Variants in TIMELESS observed in about 807,000 individuals in gnomAD.
The protein encoded by TIMELESS is timeless circadian regulator.
In TIMELESS, 124 loss-of-function variants were observed where a neutral mutation model predicts 164.3. The observed-to-expected ratio is 0.75, with a 90% CI of 0.65 to 0.88. The LOEUF (loss-of-function observed/expected upper bound fraction) is 0.88, where lower values mean the gene tolerates loss of function less well. Among genes scored for constraint, TIMELESS ranks in the 40% least tolerant of loss-of-function variants. TIMELESS has a pLI of 0.00. For synonymous variants in TIMELESS, 564 were observed against 563.4 expected (o/e 1.00, Z -0.02); for missense variants, 1,422 against 1,491.4 (o/e 0.95, Z 0.77).
rs140728919 is a variant in TIMELESS, at chr12:56,431,599, G to C, written c.693C>G (p.Pro231=). 1 of 1,611,430 alleles carries C rather than the reference G, an allele frequency of 6.2e-7. No individual in the cohort carries two copies. Among genetic ancestry groups the C allele is most frequent in the Non-Finnish European group, 8.5e-7 (1 of 1,179,424 alleles). Residue 231 remains proline, a synonymous_variant, in exon 8 of 29, where the codon CCC becomes CCG. Coordinates refer to ENST00000553532, the MANE Select transcript of TIMELESS (RefSeq NM_003920.5). ...IVSLMFRDQN[P]EQLAGVGQGR... is the part of the protein sequence containing the mutation. ...CCTGCCCTACTCCCGCCAGCTGCTCGGGGTTCTAGATTGGAACAAAGAGGG... is the reference window on the plus strand; with the variant it reads ...CCTGCCCTACTCCCGCCAGCTGCTCCGGGTTCTAGATTGGAACAAAGAGGG...
At position 56,423,479 on chromosome 12, in the gene TIMELESS, C is replaced by T; in HGVS notation, c.2091-4G>A. On this transcript the variant is annotated splice_region_variant and splice_polypyrimidine_tract_variant and intron_variant, in intron 17 of 28. Coordinates refer to ENST00000553532, the MANE Select transcript of TIMELESS (RefSeq NM_003920.5). ...AACGACAGTTGAACATGCAAAGCTG[C>T]ACCAAAACAAGGAGGGAGAGGATGT... 2 of 1,614,012 alleles carry T rather than the reference C, an allele frequency of 1.2e-6. No homozygotes were observed. Among genetic ancestry groups the T allele is most frequent in the South Asian group, 1.1e-5 (1 of 91,082 alleles).
chr12:56,437,846 T>C (rs140617235), intron 1 of TIMELESS, among the ~76,000 whole-genome samples: 49 of 152,228 alleles, frequency 3.2e-4, no homozygotes, highest in African/African-American at 1.1e-3. Context: ...ATGCATGTAC[T>C]TAAAATTATG....
At chr12:56,418,998 ATTTT>A (rs34996841) in intron 26 of TIMELESS, among the ~76,000 whole-genome samples, 1 of 139,288 alleles carries the variant, frequency 7.2e-6, no homozygotes, top group African/African-American at 2.6e-5. Context: ...GTATCACAGG[ATTTT>A]TTTTTTTTTC....
chr12:56,426,112 T>C (rs1200212235), intron 13 of TIMELESS, among the ~76,000 whole-genome samples: 2 of 152,274 alleles, frequency 1.3e-5, no homozygotes, highest in Non-Finnish European at 2.9e-5. Context: ...AGTATTGAAT[T>C]AGTATTACTA....
intron 1 of TIMELESS, among the ~76,000 whole-genome samples, chr12:56,444,300 TC>T (rs1868319028): frequency 6.6e-6 from 1 of 152,156 alleles, no homozygotes; most frequent in Non-Finnish European, 1.5e-5. Flanking sequence ...CTTCCTTGCC[TC>T]CCACCTGGTT....
chr12:56,419,551 A>G (rs979714018), intron 26 of TIMELESS, among the ~76,000 whole-genome samples: 3 of 151,634 alleles, frequency 2.0e-5, no homozygotes, highest in African/African-American at 7.3e-5. Context: ...ATTTGGAGGC[A>G]TGAAAAAGCC....
At chr12:56,423,974 TA>T in intron 15 of TIMELESS, 80 bp from the exon 16 acceptor site, 1 of 1,260,648 alleles carries the variant, frequency 7.9e-7, no homozygotes, top group East Asian at 2.4e-5. Context: ...AGAAGGAATT[TA>T]GACTTATTTC....
rs868049011 is a variant in TIMELESS at position 56,417,742 on chromosome 12, G to A, written c.3601C>T (p.Gln1201Ter). ...CAGTCATCCTCATCATCCTCAATCT[G>A]GTATCGTTTCTTCTTTTGGATTCCT... Reference protein sequence around the residue: ...APGIQKKKRYQIEDDEDD With the variant: ...APGIQKKKRY The change falls in exon 29 of 29, where the codon CAG (glutamine) becomes TAG (stop). Residue 1201 changes from glutamine (Q) to a stop codon, truncating the protein, a stop_gained. Coordinates refer to ENST00000553532, the MANE Select transcript of TIMELESS (RefSeq NM_003920.5). LOFTEE classifies it high-confidence loss of function. 1 of 1,614,102 alleles carries A rather than the reference G, an allele frequency of 6.2e-7. No homozygotes were observed. Among genetic ancestry groups the A allele is most frequent in the Non-Finnish European group, 8.5e-7 (1 of 1,180,026 alleles).
rs1354312429 is a variant in TIMELESS at position 56,434,223 on chromosome 12, T to A, written c.-53A>T. ...GAAGTGGAGAAACAGGAGACAGAAA[T>A]GATGAGGCCTGGAGAAATAGAGAAA... is the stretch of plus-strand genomic sequence containing the variant. On this transcript the variant is annotated 5_prime_UTR_variant, in exon 2 of 29. Coordinates refer to ENST00000553532, the MANE Select transcript of TIMELESS (RefSeq NM_003920.5). The A allele has an allele frequency of 7.3e-7, 1 of 1,378,564 alleles. No homozygotes were observed. Among genetic ancestry groups the A allele is most frequent in the African/African-American group, 1.4e-5 (1 of 69,966 alleles). The allele number at this position is 1,378,564 out of a possible 1,614,324, so 85.4% of individuals were successfully genotyped here.
intron 1 of TIMELESS, among the ~76,000 whole-genome samples, chr12:56,439,281 G>T (rs1267274886): frequency 1.3e-5 from 2 of 151,862 alleles, no homozygotes; most frequent in African/African-American, 4.8e-5. Context: ...GCTGATATGG[G>T]CACAGTGGCT....
intron 26 of TIMELESS, among the ~76,000 whole-genome samples, chr12:56,418,572 CTTTT>C (rs372018339): frequency 1.6e-5 from 2 of 126,794 alleles, no homozygotes; most frequent in Admixed American, 1.6e-4. Flanking sequence ...TTTGGTTGTT[CTTTT>C]TTTTTTTTTT....
chr12:56,425,425 C>T (rs914057215), intron 13 of TIMELESS, among the ~76,000 whole-genome samples: 1 of 152,166 alleles, frequency 6.6e-6, no homozygotes, highest in Admixed American at 6.6e-5. Context: ...TGGCAAAACT[C>T]CTGACCCATT....
Position 56,433,853 on chromosome 12 carries a change from T to C in TIMELESS, c.171A>G (p.Ala57=), listed in dbSNP as rs1361763751. Residue 57 remains alanine (A), a synonymous_variant, in exon 3 of 29, where the codon GCA becomes GCG. Transcript: ENST00000553532. ...GAAGGTCGCTCTGTAGGATCTGGGCTGCCCCCAGCTGCTGCCGCACATCTC... is the reference window on the plus strand; with the variant it reads ...GAAGGTCGCTCTGTAGGATCTGGGCCGCCCCCAGCTGCTGCCGCACATCTC... The part of the protein sequence containing the change: ...ETRDVRQQLG[A]AQILQSDLLP... 1.2e-6 allele frequency: 2 copies of C among 1,614,184 alleles called. No homozygotes were observed. Among genetic ancestry groups the C allele is most frequent in the East Asian group, 2.2e-5 (1 of 44,894 alleles).
chr12:56,419,851 C>T (rs544530623), intron 26 of TIMELESS, among the ~76,000 whole-genome samples: 141 of 149,712 alleles, frequency 9.4e-4, no homozygotes, highest in African/African-American at 3.4e-3. Context: ...ACAAAAAATA[C>T]AAAAAATTAG....
At chr12:56,435,905 G>A (rs1261170822) in intron 1 of TIMELESS, among the ~76,000 whole-genome samples, 4 of 149,332 alleles carry the variant, frequency 2.7e-5, no homozygotes, top group Non-Finnish European at 5.9e-5. Context: ...CTTGCAGTGA[G>A]CAGAGATTGT....
chr12:56,433,201 G>A, intron 5 of TIMELESS, 74 bp from the exon 6 acceptor site: 1 of 1,482,156 alleles, frequency 6.7e-7, no homozygotes, highest in Non-Finnish European at 9.4e-7. Flanking sequence ...GGAAGACCCA[G>A]GCATAGAAGA....
chr12:56,428,242 C>T lies in TIMELESS; in HGVS notation c.1572G>A (p.Val524=), dbSNP rs758085347. The T allele has an allele frequency of 2.5e-6, 4 of 1,598,952 alleles. No individual in the cohort carries two copies. The East Asian group carries it at 6.7e-5, about 27-fold the overall frequency. ...TTGTGGGGCTGCCCAGTACCTGCAC[C>T]ACCAGGTTCCCACGGCTCCGACAGA... ...ERFCRSRGNL[V]VQNKQKKRRK... The change falls in exon 13 of 29, where the codon GTG becomes GTA. Residue 524 remains valine, a synonymous_variant. Transcript: ENST00000553532.
At chr12:56,431,724 C>T (rs766130751) in intron 7 of TIMELESS, 120 bp from the exon 8 acceptor site, 12 of 1,262,714 alleles carry the variant, frequency 9.5e-6, no homozygotes, top group Admixed American at 3.2e-5. Context: ...ATTGTGCTGT[C>T]GTTCTCCCTT....
chr12:56,439,757 G>A (rs1215114881), intron 1 of TIMELESS, among the ~76,000 whole-genome samples: 3 of 152,174 alleles, frequency 2.0e-5, no homozygotes, highest in East Asian at 1.9e-4. Context: ...TCAAACAGCC[G>A]TTATAAACAA....
Sources: allele counts gnomAD v4.1 joint callset (sites outside exome capture counted in the v4.1 genomes callset), GRCh38; gene constraint gnomAD v4.1.1; transcripts MANE v1.5; gene names NCBI Gene and HGNC (gene_info 2026-07-23, HGNC 2026-07-21).